The following SGCE variants were observed in gnomAD, a reference collection of about 807,000 sequenced individuals.
SGCE encodes sarcoglycan epsilon, also known as epsilon-sarcoglycan.
A neutral mutation model predicts 57.8 loss-of-function variants in SGCE; 26 were observed. The observed-to-expected ratio is 0.45, with a 90% CI of 0.33 to 0.62. SGCE has a LOEUF of 0.62. Ranked by LOEUF, SGCE falls within the 20% of genes least tolerant of loss-of-function variation. SGCE has a pLI of 0.02. For synonymous variants in SGCE, 183 were observed against 189.5 expected (o/e 0.97, Z 0.28); for missense variants, 468 against 548.6 (o/e 0.85, Z 1.47).
chr7:94,628,254 A>T lies in SGCE; in HGVS notation c.338T>A (p.Val113Asp). 6.2e-7 allele frequency: 1 copy of T among 1,610,772 alleles called. No homozygotes were observed. Among genetic ancestry groups the T allele is most frequent in the Non-Finnish European group, 8.5e-7 (1 of 1,177,720 alleles). ...YIQRTPYSDG[V>D]LYGSPTAENV... Reference sequence around the variant, plus strand: ...TTCAGCTGTTGGGGACCCATATAGGACTCCATCACTATATGGTGTCCTTTG... The same window carrying T: ...TTCAGCTGTTGGGGACCCATATAGGTCTCCATCACTATATGGTGTCCTTTG... Residue 113 changes from valine (V) to aspartate (D), a missense_variant, in exon 3 of 11, where the codon GTC becomes GAC. By Grantham distance (152) the Val-to-Asp change is radical. Coordinates refer to ENST00000648936, the MANE Select transcript of SGCE (RefSeq NM_003919.3).
At chr7:94,599,031 GA>G (rs1170630627) in intron 8 of SGCE, 68 bp from the exon 9 acceptor site, 18 of 1,137,880 alleles carry the variant, frequency 1.6e-5, no homozygotes, top group Non-Finnish European at 2.2e-5. Context: ...TCATCAATTT[GA>G]AAAACTTATG....
intron 1 of SGCE, among the ~76,000 whole-genome samples, chr7:94,655,624 C>T (rs985046116): frequency 3.9e-5 from 6 of 152,094 alleles, no homozygotes; most frequent in Non-Finnish European, 8.8e-5. Context: ...ACGGGCCCCC[C>T]AGAAAAACAG....
chr7:94,642,105 T>G (rs185946211), intron 1 of SGCE, among the ~76,000 whole-genome samples: 16 of 152,284 alleles, frequency 1.1e-4, no homozygotes, highest in Admixed American at 9.8e-4. Flanking sequence ...CCTCAGGTGA[T>G]CATGTCAGTG....
chr7:94,643,212 AT>A (rs1806634224), intron 1 of SGCE, among the ~76,000 whole-genome samples: 1 of 152,158 alleles, frequency 6.6e-6, no homozygotes, highest in Non-Finnish European at 1.5e-5. Context: ...GGTCTATGGA[AT>A]TTTTTCTTAC....
intron 5 of SGCE, among the ~76,000 whole-genome samples, chr7:94,603,770 G>A (rs1799637970): frequency 1.3e-5 from 2 of 151,946 alleles, no homozygotes; most frequent in South Asian, 2.1e-4. Context: ...ACTATATTTA[G>A]TAATTACTAT....
intron 3 of SGCE, chr7:94,623,985 C>T (rs192721082): frequency 5.4e-5 from 21 of 385,480 alleles, no homozygotes; most frequent in Middle Eastern, 1.3e-3. Context: ...TCCCTTCATA[C>T]GGGCAAATAT....
At chr7:94,654,547 T>A (rs1276467503) in intron 1 of SGCE, among the ~76,000 whole-genome samples, 1 of 152,218 alleles carries the variant, frequency 6.6e-6, no homozygotes, top group Non-Finnish European at 1.5e-5. Flanking sequence ...TTCTAAAAAG[T>A]ATAATTGTGT....
intron 8 of SGCE, 91 bp downstream of exon 8, chr7:94,599,606 A>C (rs917451911): frequency 1.0e-6 from 1 of 997,288 alleles, no homozygotes; most frequent in African/African-American, 1.6e-5. Flanking sequence ...TGACAAATGA[A>C]AAAAAGCTTG....
At chr7:94,605,602 A>T (rs552757705) in intron 5 of SGCE, among the ~76,000 whole-genome samples, 3 of 152,260 alleles carry the variant, frequency 2.0e-5, no homozygotes, top group African/African-American at 7.2e-5. Context: ...GTGTTATTTG[A>T]AAGTGAATTT....
At chr7:94,637,209 T>G (rs1018701688) in intron 1 of SGCE, among the ~76,000 whole-genome samples, 2 of 152,334 alleles carry the variant, frequency 1.3e-5, no homozygotes, top group African/African-American at 4.8e-5. Context: ...ATTCTATATC[T>G]GAGACAGCAT....
intron 1 of SGCE, chr7:94,639,495 G>C: frequency 8.5e-7 from 1 of 1,179,910 alleles, no homozygotes; most frequent in Non-Finnish European, 1.2e-6. Flanking sequence ...TTAATGTCAT[G>C]ATTTTTTAAA....
intron 10 of SGCE, chr7:94,586,746 C>T (rs925523428): frequency 1.9e-5 from 13 of 688,358 alleles, no homozygotes; most frequent in Non-Finnish European, 2.3e-5. Context: ...AGGTGATCCG[C>T]CTGCCTTGGC....
At position 94,585,396 on chromosome 7, in the gene SGCE, CAT is replaced by C; in HGVS notation, c.*101_*102del. 2.0e-6 allele frequency: 2 copies of C among 1,008,782 alleles called. No individual in the cohort carries two copies. Among genetic ancestry groups the C allele is most frequent in the South Asian group, 1.3e-5 (1 of 78,202 alleles). The allele number at this position is 1,008,782 out of a possible 1,614,324, so 62.5% of individuals were successfully genotyped here. A position where few individuals can be genotyped will look rare whatever the true frequency, so the allele number is the denominator to read the frequency against. On this transcript the variant is annotated 3_prime_UTR_variant, in exon 11 of 11. Transcript: ENST00000648936. Reference sequence around the variant, plus strand: ...CACTTAATACTGCCAACATGCATAACATATGCCAGAAAAGCTCATGCATTATT... The same window carrying C: ...CACTTAATACTGCCAACATGCATAACATGCCAGAAAAGCTCATGCATTATT...
rs1799669815 is a variant in SGCE at position 94,604,021 on chromosome 7, A to G, written c.663-569T>C. On this transcript the variant is annotated intron_variant, in intron 5 of 10. Transcript: ENST00000648936. ...TGGTCTCTCATTAGAAGGCCTTGCA[A>G]TCTTTTATCTAAGACATTAATATAA... 2.6e-5 allele frequency among the ~76,000 whole-genome samples: 4 copies of G among 152,096 alleles called. No homozygotes were observed. The South Asian group carries it at 6.2e-4, about 24-fold the overall frequency.
At chr7:94,600,219 T>G (rs1798995389) in intron 7 of SGCE, 1 of 193,968 alleles carries the variant, frequency 5.2e-6, no homozygotes, top group Admixed American at 5.4e-5. Flanking sequence ...TTTTAAACAT[T>G]AAATTGTGTT....
At chr7:94,642,918 T>C (rs983804701) in intron 1 of SGCE, among the ~76,000 whole-genome samples, 1 of 152,206 alleles carries the variant, frequency 6.6e-6, no homozygotes, top group Non-Finnish European at 1.5e-5. Flanking sequence ...CATCTATTAA[T>C]GTGTCTGAAG....
At chr7:94,646,202 C>T (rs1362190899) in intron 1 of SGCE, among the ~76,000 whole-genome samples, 2 of 152,198 alleles carry the variant, frequency 1.3e-5, no homozygotes, top group East Asian at 3.8e-4. Context: ...TATTTATATT[C>T]TGACTCTCAT....
chr7:94,639,170 C>T (rs897036479), intron 1 of SGCE, among the ~76,000 whole-genome samples: 6 of 152,030 alleles, frequency 3.9e-5, no homozygotes, highest in South Asian at 2.1e-4. Flanking sequence ...TAAGAACACA[C>T]GGGATCTAAA....
At chr7:94,595,047 C>T (rs1798200277) in intron 9 of SGCE, among the ~76,000 whole-genome samples, 1 of 152,104 alleles carries the variant, frequency 6.6e-6, no homozygotes, top group Admixed American at 6.5e-5. Context: ...GCCTAGATAT[C>T]AGGATAGGTA....
Sources: gnomAD v4.1 joint callset for allele counts (sites outside exome capture counted in the v4.1 genomes callset) on GRCh38, gnomAD v4.1.1 for gene constraint, MANE v1.5 for transcripts, NCBI Gene and HGNC (gene_info 2026-07-23, HGNC 2026-07-21) for gene names.